The following H1-8 variants were observed in gnomAD, a reference collection of about 807,000 sequenced individuals.
H1-8 encodes the protein H1.8 linker histone, also known as histone H1.8.
Under a neutral mutation model 19.5 loss-of-function variants are expected in H1-8, and 13 were observed. That is an observed-to-expected ratio of 0.67 (90% CI 0.43 to 1.06). H1-8 has a LOEUF of 1.06. Ranked by LOEUF, H1-8 falls within the 50% of genes least tolerant of loss-of-function variation. The pLI is 0.00. For missense variants in H1-8, 432 were observed against 459.8 expected, an observed-to-expected ratio of 0.94 and a Z score of 0.55; for synonymous variants, 193 against 187.6, an observed-to-expected ratio of 1.03 and a Z score of -0.24.
Position 129,548,299 on chromosome 3 carries a change from C to T in H1-8, c.378+619C>T, listed in dbSNP as rs1009122315. The stretch of plus-strand genomic sequence containing the variant: ...GCTGGGGAACATTCTCAGCCTACCC[C>T]AAGCCGGTCCCTGTGGTTACCTGGT... On this transcript the variant is annotated intron_variant, in intron 2 of 4. Transcript: ENST00000324382. 5.1e-6 allele frequency: 5 copies of T among 985,100 alleles called. No homozygotes were observed. The African/African-American group carries it at 8.7e-5, about 17-fold the overall frequency. The allele number at this position is 985,100 out of a possible 1,614,324, so 61.0% of individuals were successfully genotyped here. A position where few individuals can be genotyped will look rare whatever the true frequency, so the allele number is the denominator to read the frequency against.
Position 129,551,255 on chromosome 3 carries a change from C to T in H1-8, c.956C>T (p.Thr319Ile). The T allele has an allele frequency of 6.2e-7, 1 of 1,614,168 alleles. No individual in the cohort carries two copies. Among genetic ancestry groups the T allele is most frequent in the Non-Finnish European group, 8.5e-7 (1 of 1,180,038 alleles). Residue 319 changes from threonine (T) to isoleucine (I), a missense_variant, in exon 5 of 5, where the codon ACA becomes ATA. Physicochemically the swap from Thr to Ile is moderately conservative, Grantham distance 89 (BLOSUM62 -1). Coordinates refer to ENST00000324382, the MANE Select transcript of H1-8 (RefSeq NM_153833.3). ...KVVPAHLSRK[T>I]EAPKGPRKAG... The stretch of plus-strand genomic sequence containing the variant: ...GTACCTGCACATTTGTCCAGGAAGA[C>T]AGAGGCCCCCAAGGGCCCTAGAAAG...
At chr3:129,549,579 A>T (rs185017941) in intron 3 of H1-8, among the ~76,000 whole-genome samples, 1 of 148,380 alleles carries the variant, frequency 6.7e-6, no homozygotes. Context: ...AGACCAGGAG[A>T]CTGACTCATT....
At chr3:129,548,376 G>T in intron 2 of H1-8, 2 of 986,418 alleles carry the variant, frequency 2.0e-6, no homozygotes, top group Non-Finnish European at 2.4e-6. Context: ...GTGGGTCAGA[G>T]CCTGGACTTG....
intron 3 of H1-8, 55 bp downstream of exon 3, chr3:129,549,419 G>T (rs530573639): frequency 6.6e-7 from 1 of 1,513,812 alleles, no homozygotes; most frequent in African/African-American, 1.4e-5. Flanking sequence ...GACAGCCACT[G>T]GAGCGGGGGC....
At chr3:129,546,125 T>C (rs1357535135) in intron 1 of H1-8, among the ~76,000 whole-genome samples, 1 of 87,900 alleles carries the variant, frequency 1.1e-5, no homozygotes, top group African/African-American at 1.1e-4. Flanking sequence ...ACAATAACAA[T>C]AATAATAATA....
Position 129,543,268 on chromosome 3 carries a change from C to T in H1-8, c.50C>T (p.Thr17Ile), listed in dbSNP as rs758959738. The T allele has an allele frequency of 3.0e-5, 48 of 1,613,722 alleles. No homozygotes were observed. The highest frequency in any genetic ancestry group is 3.7e-5 in the Non-Finnish European group (44 of 1,179,852). The change falls in exon 1 of 5, where the codon ACA (threonine) becomes ATA (isoleucine). Residue 17 changes from threonine (T) to isoleucine (I), a missense_variant. Thr to Ile is a moderately conservative substitution (Grantham distance 89). Coordinates refer to ENST00000324382, the MANE Select transcript of H1-8 (RefSeq NM_153833.3). ...TSDISPSSTSTAGSSRSPESE... is the reference protein window; with the variant it reads ...TSDISPSSTSIAGSSRSPESE... ...GACATCTCACCCTCCTCGACTTCCACAGCAGGATCATCCAGGTCTCCTGAA... is the reference window on the plus strand; with the variant it reads ...GACATCTCACCCTCCTCGACTTCCATAGCAGGATCATCCAGGTCTCCTGAA...
intron 1 of H1-8, among the ~76,000 whole-genome samples, chr3:129,546,522 C>G (rs913095305): frequency 1.3e-5 from 2 of 152,162 alleles, no homozygotes; most frequent in Non-Finnish European, 2.9e-5. Flanking sequence ...ATAATATTTA[C>G]CTTTAACAGA....
At position 129,549,213 on chromosome 3, in the gene H1-8, T is replaced by A. The variant is rs760610770; in HGVS notation, c.591T>A (p.Ala197=). Residue 197 remains alanine (A), a synonymous_variant, in exon 3 of 5, where the codon GCT becomes GCA. Transcript: ENST00000324382. ...AGCCAGGCGCAGCCACAGAGAAGGC[T>A]CGCAAGCAAGGCGGCGCGGCCAAGG... The part of the protein sequence containing the change: ...PPKPGAATEK[A]RKQGGAAKDT... The A allele has an allele frequency of 2.5e-6, 4 of 1,572,624 alleles. No individual in the cohort carries two copies.
intron 2 of H1-8, among the ~76,000 whole-genome samples, chr3:129,548,133 T>C (rs1327642952): frequency 6.6e-6 from 1 of 152,166 alleles, no homozygotes; most frequent in Admixed American, 6.5e-5. Context: ...GGGACAAAAC[T>C]GCACCCCAAC....
chr3:129,550,136 C>T (rs2084922919), intron 3 of H1-8, among the ~76,000 whole-genome samples: 1 of 151,886 alleles, frequency 6.6e-6, no homozygotes, highest in Non-Finnish European at 1.5e-5. Flanking sequence ...TATTTTTTTT[C>T]CTCTCTCTCT....
intron 1 of H1-8, among the ~76,000 whole-genome samples, chr3:129,545,988 C>A (rs2084883730): frequency 6.6e-6 from 1 of 151,912 alleles, no homozygotes; most frequent in Non-Finnish European, 1.5e-5. Flanking sequence ...ATTATGAAAA[C>A]TTTCAGGGCC....
At position 129,548,986 on chromosome 3, in the gene H1-8, C is replaced by G. The variant is rs771270199; in HGVS notation, c.379-15C>G. 46 of 1,590,598 alleles carry G rather than the reference C, an allele frequency of 2.9e-5. No individual in the cohort carries two copies. Among genetic ancestry groups the G allele is most frequent in the South Asian group, 1.0e-4 (9 of 87,098 alleles). ...TGAGGCTCTGCTTTCAGCCCCACCCCGTGTCCTTCTCCAGTTAGTTCCCAA... is the reference window on the plus strand; with the variant it reads ...TGAGGCTCTGCTTTCAGCCCCACCCGGTGTCCTTCTCCAGTTAGTTCCCAA... On this transcript the variant is annotated splice_polypyrimidine_tract_variant and intron_variant, in intron 2 of 4. Transcript: ENST00000324382.
intron 3 of H1-8, 45 bp from the exon 4 acceptor site, chr3:129,550,700 A>G: frequency 6.5e-7 from 1 of 1,540,686 alleles, no homozygotes; most frequent in Non-Finnish European, 9.0e-7. Flanking sequence ...CCCCACCAGC[A>G]GTTCCTCCTT....
intron 1 of H1-8, among the ~76,000 whole-genome samples, chr3:129,545,707 CT>C (rs1422263272): frequency 2.0e-5 from 3 of 152,114 alleles, no homozygotes; most frequent in African/African-American, 7.2e-5. Flanking sequence ...TTCTGACTGC[CT>C]TTTTTCACTT....
In H1-8 at chr3:129,550,834, G is replaced by A. The variant is rs1377673945; in HGVS notation, c.807+25G>A. 4 of 1,595,506 alleles carry A rather than the reference G, an allele frequency of 2.5e-6. No homozygotes were observed. The Admixed American group carries it at 5.1e-5, about 20-fold the overall frequency. On this transcript the variant is annotated intron_variant, in intron 4 of 4. Coordinates refer to ENST00000324382, the MANE Select transcript of H1-8 (RefSeq NM_153833.3). ...GGTAGGTGCCTGCATGAATTTCCTGGCCTGGCTGCCTGCCCTGAACAGGCC... is the reference window on the plus strand; with the variant it reads ...GGTAGGTGCCTGCATGAATTTCCTGACCTGGCTGCCTGCCCTGAACAGGCC...
Position 129,551,168 on chromosome 3 carries a change from A to T in H1-8, c.869A>T (p.Lys290Ile). ...KKVVAKAKAP[K>I]AGQGPNTKAA... ...GTGGTGGCCAAGGCCAAGGCCCCTA[A>T]AGCTGGGCAGGGGCCAAACACCAAG... is the stretch of plus-strand genomic sequence containing the variant. Residue 290 changes from lysine to isoleucine, a missense_variant, in exon 5 of 5, where the codon AAA becomes ATA. Physicochemically the swap from Lys to Ile is moderately radical, Grantham distance 102. Coordinates refer to ENST00000324382, the MANE Select transcript of H1-8 (RefSeq NM_153833.3). The T allele has an allele frequency of 6.2e-7, 1 of 1,614,240 alleles. No homozygotes were observed. Among genetic ancestry groups the T allele is most frequent in the Non-Finnish European group, 8.5e-7 (1 of 1,180,038 alleles).
intron 1 of H1-8, 129 bp from the exon 2 acceptor site, chr3:129,547,262 C>T (rs753476580): frequency 2.6e-5 from 24 of 906,126 alleles, no homozygotes; most frequent in Non-Finnish European, 3.6e-5. Context: ...CCCATGCCAG[C>T]GGTCAGTGTC....
chr3:129,549,264 T>A lies in H1-8; in HGVS notation c.642T>A (p.Ala214=). The change falls in exon 3 of 5, where the codon GCT becomes GCA. Residue 214 remains alanine, a synonymous_variant. Coordinates refer to ENST00000324382, the MANE Select transcript of H1-8 (RefSeq NM_153833.3). ...AKDTRAQSGE[A]RKVPPKPDKA... The stretch of plus-strand genomic sequence containing the variant: ...ACACCAGGGCACAGTCGGGAGAGGC[T>A]AGGAAGGTGCCCCCCAAGCCAGACA... The A allele has an allele frequency of 6.3e-7, 1 of 1,579,044 alleles. No homozygotes were observed. The highest frequency in any genetic ancestry group is 8.6e-7 in the Non-Finnish European group (1 of 1,164,636).
chr3:129,547,501 G>A lies in H1-8; in HGVS notation c.199G>A (p.Glu67Lys). ...GGTGCTGGAGGCGCTGCAGGCTGGG[G>A]AGCAGCGCCGGGGCACGTCGGTGGC... ...RMVLEALQAG[E>K]QRRGTSVAAI... The change falls in exon 2 of 5, where the codon GAG becomes AAG. Residue 67 changes from glutamate to lysine, a missense_variant. Glu to Lys is a moderately conservative substitution (Grantham distance 56). Coordinates refer to ENST00000324382, the MANE Select transcript of H1-8 (RefSeq NM_153833.3). The A allele has an allele frequency of 2.6e-6, 4 of 1,565,978 alleles. No individual in the cohort carries two copies. Among genetic ancestry groups the A allele is most frequent in the Non-Finnish European group, 2.6e-6 (3 of 1,155,692 alleles).
Sources: allele counts gnomAD v4.1 joint callset (sites outside exome capture counted in the v4.1 genomes callset), GRCh38; gene constraint gnomAD v4.1.1; transcripts MANE v1.5; gene names NCBI Gene and HGNC (gene_info 2026-07-23, HGNC 2026-07-21).